Variants in CSMD1 observed in about 807,000 individuals in gnomAD.
CSMD1 encodes the protein CUB and sushi domain-containing protein 1.
In CSMD1, 213 loss-of-function variants were observed where a neutral mutation model predicts 417.5. The observed-to-expected ratio is 0.51, with a 90% CI of 0.46 to 0.57. The LOEUF (loss-of-function observed/expected upper bound fraction) is 0.57. Ranked by LOEUF, CSMD1 falls within the 20% of genes least tolerant of loss-of-function variation. CSMD1 has a pLI of 0.00. For missense variants in CSMD1, 6,923 were observed against 4,529.7 expected (o/e 1.53, Z -15.17); for synonymous variants, 2,862 against 1,736.8 (o/e 1.65, Z -16.11).
intron 5 of CSMD1, among the ~76,000 whole-genome samples, chr8:3,815,599 T>A (rs1801325084): frequency 1.3e-5 from 2 of 149,390 alleles, no homozygotes; most frequent in South Asian, 4.3e-4. Context: ...TAATATGACT[T>A]AAAAATGTCT....
intron 49 of CSMD1, among the ~76,000 whole-genome samples, chr8:3,075,941 C>A (rs1563311583): frequency 6.6e-6 from 1 of 151,204 alleles, no homozygotes; most frequent in Admixed American, 6.6e-5. Flanking sequence ...GTCCCAGCTC[C>A]TAGGGACGCT....
At chr8:4,248,864 G>C (rs559803430) in intron 3 of CSMD1, among the ~76,000 whole-genome samples, 1 of 151,770 alleles carries the variant, frequency 6.6e-6, no homozygotes, top group Admixed American at 6.6e-5. Flanking sequence ...ACTCTCAAAA[G>C]TCACTCAACA....
At chr8:3,805,415 G>C (rs1039465613) in intron 5 of CSMD1, among the ~76,000 whole-genome samples, 2 of 152,102 alleles carry the variant, frequency 1.3e-5, no homozygotes, top group Admixed American at 6.6e-5. Context: ...GAAAGAAGTG[G>C]TCACCTCTCA....
chr8:4,089,224 T>C (rs374568366), intron 3 of CSMD1, among the ~76,000 whole-genome samples: 17 of 152,184 alleles, frequency 1.1e-4, no homozygotes, highest in African/African-American at 4.1e-4. Flanking sequence ...ATAAGCTCCA[T>C]AAGGACATGG....
intron 1 of CSMD1, among the ~76,000 whole-genome samples, chr8:4,847,578 C>G (rs974039673): frequency 6.6e-6 from 1 of 152,080 alleles, no homozygotes; most frequent in African/African-American, 2.4e-5. Flanking sequence ...ATACTCTATT[C>G]AGATTCTTTT....
intron 5 of CSMD1, among the ~76,000 whole-genome samples, chr8:3,842,554 G>A (rs1023323841): frequency 6.6e-6 from 1 of 151,748 alleles, no homozygotes; most frequent in Non-Finnish European, 1.5e-5. Context: ...TGTAAATCCT[G>A]GGGACACAGT....
chr8:4,581,648 A>G (rs1379002805), intron 2 of CSMD1, among the ~76,000 whole-genome samples: 2 of 152,218 alleles, frequency 1.3e-5, no homozygotes, highest in Admixed American at 1.3e-4. Context: ...AGTTAGTGGA[A>G]AGGGGAGTTC....
At chr8:3,259,329 A>C (rs150139136) in intron 26 of CSMD1, among the ~76,000 whole-genome samples, 1 of 152,330 alleles carries the variant, frequency 6.6e-6, no homozygotes, top group Non-Finnish European at 1.5e-5. Context: ...TCTGCAAAGC[A>C]GGAATCTTGA....
At chr8:4,105,994 G>A (rs946324636) in intron 3 of CSMD1, among the ~76,000 whole-genome samples, 1 of 152,178 alleles carries the variant, frequency 6.6e-6, no homozygotes, top group Admixed American at 6.5e-5. Context: ...ATGTAGAGCA[G>A]GAGATTGCAT....
intron 1 of CSMD1, among the ~76,000 whole-genome samples, chr8:4,976,383 T>C (rs1301646306): frequency 6.6e-6 from 1 of 152,218 alleles, no homozygotes; most frequent in Admixed American, 6.5e-5. Flanking sequence ...ATTTACATAC[T>C]ACATTAAATT....
At chr8:4,390,391 T>C (rs2128923364) in intron 3 of CSMD1, among the ~76,000 whole-genome samples, 1 of 152,262 alleles carries the variant, frequency 6.6e-6, no homozygotes, top group Admixed American at 6.5e-5. Context: ...ATGTTGTCAA[T>C]GTAACAGGAG....
chr8:4,607,124 T>G (rs1376362200), intron 2 of CSMD1, among the ~76,000 whole-genome samples: 2 of 152,176 alleles, frequency 1.3e-5, no homozygotes, highest in Admixed American at 6.5e-5. Flanking sequence ...TGGAGCACTT[T>G]TTTTTACCTG....
At chr8:3,632,947 T>C (rs1203535662) in intron 7 of CSMD1, among the ~76,000 whole-genome samples, 1 of 152,230 alleles carries the variant, frequency 6.6e-6, no homozygotes, top group Admixed American at 6.5e-5. Flanking sequence ...ATTTCAGAAG[T>C]ATAAATTACA....
At chr8:4,277,578 C>G (rs530462322) in intron 3 of CSMD1, among the ~76,000 whole-genome samples, 1 of 152,112 alleles carries the variant, frequency 6.6e-6, no homozygotes, top group Non-Finnish European at 1.5e-5. Context: ...CATGTCTATA[C>G]TCATGAAAAC....
At chr8:4,830,737 T>C (rs547439028) in intron 1 of CSMD1, among the ~76,000 whole-genome samples, 3 of 152,338 alleles carry the variant, frequency 2.0e-5, no homozygotes, top group Non-Finnish European at 4.4e-5. Context: ...CTTCGCTTAA[T>C]TGGAACCATT....
chr8:3,849,005 A>C (rs918825575), intron 5 of CSMD1, among the ~76,000 whole-genome samples: 2 of 151,844 alleles, frequency 1.3e-5, no homozygotes, highest in African/African-American at 4.8e-5. Flanking sequence ...GGACTTTCAT[A>C]CAGAAGGTTC....
At position 4,246,206 on chromosome 8, in the gene CSMD1, G is replaced by A. The variant is rs1226585386; in HGVS notation, c.415+173747C>T. ...CATCCTCCAAAAGGCCCCAGTGTGT[G>A]TTGTTCCCCCAGTGTGTTCATGAGC... On this transcript the variant is annotated intron_variant, in intron 3 of 69. Coordinates refer to ENST00000635120, the MANE Select transcript of CSMD1 (RefSeq NM_033225.6). Among the ~76,000 whole-genome samples, 3 of 152,072 alleles carry A rather than the reference G, an allele frequency of 2.0e-5. No homozygotes were observed. In the East Asian group the frequency reaches 5.8e-4, roughly 29 times the overall value.
At chr8:3,110,117 G>T (rs898512) in intron 43 of CSMD1, 41 bp downstream of exon 43, 1,234,013 of 1,510,118 alleles carry the variant, frequency 0.82, 506,788 homozygotes, top group East Asian at 0.97. Context: ...CAGAATTGTT[G>T]ATCACAATTA....
At chr8:3,217,390 T>C (rs259867) in intron 29 of CSMD1, among the ~76,000 whole-genome samples, 97,464 of 152,100 alleles carry the variant, frequency 0.64, 31,570 homozygotes, top group East Asian at 0.86. Context: ...GTAAGGCCCT[T>C]CATACTTCAT....
Sources: allele counts gnomAD v4.1 joint callset (sites outside exome capture counted in the v4.1 genomes callset), GRCh38; gene constraint gnomAD v4.1.1; transcripts MANE v1.5; gene names NCBI Gene and HGNC (gene_info 2026-07-23, HGNC 2026-07-21).